FAM83E: variants seen among roughly 807,000 people sequenced by gnomAD.
FAM83E encodes the protein protein FAM83E.
In FAM83E, 29 loss-of-function variants were observed where a neutral mutation model predicts 34.3. That is an observed-to-expected ratio of 0.85 (90% CI 0.63 to 1.15). The LOEUF (loss-of-function observed/expected upper bound fraction) is 1.15, where lower values mean the gene tolerates loss of function less well. FAM83E is among the 50% of genes most tolerant of loss of function. FAM83E has a pLI of 0.00. For missense variants in FAM83E, 697 were observed against 685.0 expected, an observed-to-expected ratio of 1.02 and a Z score of -0.20; for synonymous variants, 312 against 311.6, an observed-to-expected ratio of 1.00 and a Z score of -0.01.
chr19:48,611,749 G>A (rs529325148), intron 3 of FAM83E, among the ~76,000 whole-genome samples: 3 of 152,332 alleles, frequency 2.0e-5, no homozygotes, highest in South Asian at 2.1e-4. Flanking sequence ...ATTACAGGCC[G>A]TGAGCCACCG....
In FAM83E at chr19:48,614,764, G is replaced by A; in HGVS notation, c.-1312C>T. 1.0e-6 allele frequency: 1 copy of A among 985,318 alleles called. No homozygotes were observed. The highest frequency in any genetic ancestry group is 1.2e-6 in the Non-Finnish European group (1 of 830,024). The allele number at this position is 985,318 out of a possible 1,614,324, so 61.0% of individuals were successfully genotyped here. On this transcript the variant is annotated 5_prime_UTR_variant, in exon 2 of 7. Coordinates refer to ENST00000263266, the MANE Select transcript of FAM83E (RefSeq NM_017708.4). ...CCCTTCCAGTGCCTGCTTTTTCCGA[G>A]AACGTAGGCTGTGGCTCCCCGGCTT...
chr19:48,605,515 C>A (rs113892826), intron 5 of FAM83E, among the ~76,000 whole-genome samples: 1,779 of 151,684 alleles, frequency 0.012, 34 homozygotes, highest in African/African-American at 0.039. Context: ...GTTGAGGCTG[C>A]AGTGAGCCAA....
intron 4 of FAM83E, among the ~76,000 whole-genome samples, chr19:48,610,393 C>T (rs1400733058): frequency 8.8e-6 from 1 of 114,116 alleles, no homozygotes; most frequent in African/African-American, 3.7e-5. Context: ...AGCAACACTC[C>T]GTCTCAAAAA....
chr19:48,612,741 G>A (rs1974065994), intron 3 of FAM83E, among the ~76,000 whole-genome samples, 167 bp downstream of exon 3: 1 of 152,142 alleles, frequency 6.6e-6, no homozygotes, highest in Non-Finnish European at 1.5e-5. Context: ...GTCTGGGGTT[G>A]TAGGCACCTG....
rs1973881411 is a variant in FAM83E at position 48,603,922 on chromosome 19, G to C, written c.759-11C>G. ...TCACTCCACGTGAAGCTGGGGGTCGGGGAGTAGGGGGTCAGAGTCTCCAAC... is the reference window on the plus strand; with the variant it reads ...TCACTCCACGTGAAGCTGGGGGTCGCGGAGTAGGGGGTCAGAGTCTCCAAC... On this transcript the variant is annotated splice_polypyrimidine_tract_variant and intron_variant, in intron 5 of 6. Coordinates refer to ENST00000263266, the MANE Select transcript of FAM83E (RefSeq NM_017708.4). 1.3e-6 allele frequency: 2 copies of C among 1,589,720 alleles called. No homozygotes were observed. The highest frequency in any genetic ancestry group is 1.7e-6 in the Non-Finnish European group (2 of 1,168,814).
intron 6 of FAM83E, among the ~76,000 whole-genome samples, chr19:48,603,024 T>C (rs1396235838): frequency 1.3e-5 from 2 of 151,044 alleles, no homozygotes; most frequent in Non-Finnish European, 2.9e-5. Context: ...GCGAATTTTT[T>C]TGTATTTTTA....
intron 6 of FAM83E, among the ~76,000 whole-genome samples, chr19:48,601,631 G>C (rs1973817374): frequency 2.6e-5 from 4 of 152,106 alleles, no homozygotes; most frequent in Admixed American, 2.0e-4. Flanking sequence ...CTGAGGTGGT[G>C]GTGGGCGCCT....
chr19:48,607,036 G>C (rs200190821), intron 5 of FAM83E: 1 of 1,612,216 alleles, frequency 6.2e-7, no homozygotes, highest in South Asian at 1.1e-5. Flanking sequence ...CACGACGGGC[G>C]TCAAGGACTG....
intron 5 of FAM83E, among the ~76,000 whole-genome samples, chr19:48,605,678 G>A (rs1973914547): frequency 6.6e-6 from 1 of 150,858 alleles, no homozygotes; most frequent in Admixed American, 6.6e-5. Flanking sequence ...AGCCTCCCAA[G>A]TAGCTGGGAT....
chr19:48,606,048 C>G (rs1271943304), intron 5 of FAM83E, among the ~76,000 whole-genome samples: 2 of 151,678 alleles, frequency 1.3e-5, no homozygotes, highest in Non-Finnish European at 2.9e-5. Flanking sequence ...TGGTGGCTCA[C>G]GTCTGTAATC....
At position 48,613,468 on chromosome 19, in the gene FAM83E, T is replaced by TA; in HGVS notation, c.-97dup. 1 of 1,436,646 alleles carries TA rather than the reference T, an allele frequency of 7.0e-7. No homozygotes were observed. Among genetic ancestry groups the TA allele is most frequent in the Non-Finnish European group, 9.1e-7 (1 of 1,099,316 alleles). 89.0% of individuals were successfully genotyped at this position (1,436,646 alleles called of 1,614,324 possible). ...TGTGATCATCTGGGGGTTCTCCTGA[T>TA]AGGCAGACCCTACGTGGCCATCCGA... On this transcript the variant is annotated 5_prime_UTR_variant, in exon 3 of 7. An upstream open reading frame in the 5' UTR gains an earlier in-frame stop. Coordinates refer to ENST00000263266, the MANE Select transcript of FAM83E (RefSeq NM_017708.4).
At position 48,614,849 on chromosome 19, in the gene FAM83E, A is replaced by C; in HGVS notation, c.-1387-10T>G. 1 of 968,284 alleles carries C rather than the reference A, an allele frequency of 1.0e-6. No individual in the cohort carries two copies. The highest frequency in any genetic ancestry group is 1.2e-6 in the Non-Finnish European group (1 of 814,160). 60.0% of individuals were successfully genotyped at this position (968,284 alleles called of 1,614,324 possible). A position where few individuals can be genotyped will look rare whatever the true frequency, so the allele number is the denominator to read the frequency against. ...CTCATCAGGCCTCGACCTGGAATCC[A>C]GGGAGCCCGGCCCCTTGTGTAAACA... is the stretch of plus-strand genomic sequence containing the variant. On this transcript the variant is annotated splice_polypyrimidine_tract_variant and intron_variant, in intron 1 of 6. Transcript: ENST00000263266.
chr19:48,601,204 G>T lies in FAM83E; in HGVS notation c.1342C>A (p.Arg448=). The change falls in exon 7 of 7, where the codon CGG becomes AGG. Residue 448 remains arginine, a synonymous_variant. Transcript: ENST00000263266. ...TTGAATGTAGCATCCCCACCGAACC[G>T]CCTTCGGGCTGGGGACAGATAGCGG... The part of the protein sequence containing the change: ...RLRYLSPARR[R]FGGDATFKLQ... 1 of 1,611,770 alleles carries T rather than the reference G, an allele frequency of 6.2e-7. No individual in the cohort carries two copies. Among genetic ancestry groups the T allele is most frequent in the South Asian group, 1.1e-5 (1 of 90,842 alleles).
At chr19:48,603,991 GGAGA>G in intron 5 of FAM83E, 80 bp from the exon 6 acceptor site, 1 of 1,440,956 alleles carries the variant, frequency 6.9e-7, no homozygotes, top group Non-Finnish European at 9.4e-7. Flanking sequence ...AGGTCCCAGG[GGAGA>G]CCGTAGGACC....
chr19:48,612,934 G>A lies in FAM83E; in HGVS notation c.439C>T (p.Arg147Trp), dbSNP rs756918862. 1.7e-5 allele frequency: 26 copies of A among 1,570,252 alleles called. No individual in the cohort carries two copies. Among genetic ancestry groups the A allele is most frequent in the Admixed American group, 5.5e-5 (3 of 54,392 alleles). The change falls in exon 3 of 7, where the codon CGG becomes TGG. Residue 147 changes from arginine to tryptophan, a missense_variant. Physicochemically the swap from Arg to Trp is moderately radical, Grantham distance 101. Coordinates refer to ENST00000263266, the MANE Select transcript of FAM83E (RefSeq NM_017708.4). ...EGQPPLKELVRLEIQAAHKLV... is the reference protein window; with the variant it reads ...EGQPPLKELVWLEIQAAHKLV... ...TTGTGGGCAGCCTGGATCTCCAGCC[G>A]CACCAGCTCCTTGAGGGGCGGCTGA...
intron 5 of FAM83E, chr19:48,607,579 G>A (rs2147644232): frequency 1.7e-6 from 1 of 579,286 alleles, no homozygotes; most frequent in Non-Finnish European, 3.1e-6. Flanking sequence ...GTATTACTCT[G>A]TTCCACTGGT....
chr19:48,602,395 G>A (rs1030995059), intron 6 of FAM83E, among the ~76,000 whole-genome samples: 1 of 151,218 alleles, frequency 6.6e-6, no homozygotes, highest in Non-Finnish European at 1.5e-5. Context: ...AGCCCGAGAG[G>A]GAAGGGGGGA....
In FAM83E at chr19:48,613,230, G is replaced by A. The variant is rs1484181479; in HGVS notation, c.143C>T (p.Thr48Ile). The A allele has an allele frequency of 1.9e-6, 3 of 1,610,742 alleles. No homozygotes were observed. Among genetic ancestry groups the A allele is most frequent in the South Asian group, 2.2e-5 (2 of 91,082 alleles). The change falls in exon 3 of 7, where the codon ACC becomes ATC. Residue 48 changes from threonine to isoleucine, a missense_variant. Thr to Ile is a moderately conservative substitution (Grantham distance 89). Transcript: ENST00000263266. ...CCACAGCTCCTCGCGCTGCACGCAG[G>A]TCTGGAACGCCTCCGCGCCCTTGCT... Reference protein sequence around the residue: ...LLSKGAEAFQTCVQREELWPF... With the variant: ...LLSKGAEAFQICVQREELWPF...
chr19:48,603,473 G>T, intron 6 of FAM83E, 21 bp downstream of exon 6: 2 of 1,533,786 alleles, frequency 1.3e-6, no homozygotes, highest in Non-Finnish European at 1.7e-6. Context: ...CCATCTTCTG[G>T]CACCAGCCAC....
Sources: gnomAD v4.1 joint callset for allele counts (sites outside exome capture counted in the v4.1 genomes callset) on GRCh38, gnomAD v4.1.1 for gene constraint, MANE v1.5 for transcripts, NCBI Gene and HGNC (gene_info 2026-07-23, HGNC 2026-07-21) for gene names.